Variants in LHCGR observed in about 807,000 individuals in gnomAD.
The protein encoded by LHCGR is lutropin-choriogonadotropic hormone receptor.
LHCGR carries 55 observed loss-of-function variants against 60.7 expected under a neutral mutation model. The observed-to-expected ratio is 0.91, with a 90% confidence interval of 0.73 to 1.13. LHCGR has a LOEUF of 1.13. LHCGR is among the 50% of genes most tolerant of loss of function. The probability of loss-of-function intolerance (pLI) is 0.00; values close to 1 mark genes in which losing one functional copy is unlikely to be tolerated. For missense variants in LHCGR, 862 were observed against 836.0 expected (o/e 1.03, Z -0.38); for synonymous variants, 337 against 316.5 (o/e 1.06, Z -0.69).
In LHCGR at chr2:48,729,108, G is replaced by C. The variant is rs377587970; in HGVS notation, c.308+45C>G. 65 of 1,395,714 alleles carry C rather than the reference G, an allele frequency of 4.7e-5. No individual in the cohort carries two copies. The African/African-American group carries it at 7.4e-4, about 16-fold the overall frequency. 86.5% of individuals were successfully genotyped at this position (1,395,714 alleles called of 1,614,324 possible). ...ATACCAAGTGGGCTCCAGCCAGTGA[G>C]GGTAATAGTGTACAGCAGTAAACTG... is the stretch of plus-strand genomic sequence containing the variant. On this transcript the variant is annotated intron_variant, in intron 3 of 10. Transcript: ENST00000294954.
chr2:48,691,845 C>CAAA (rs60937994), intron 10 of LHCGR, among the ~76,000 whole-genome samples: 3 of 88,366 alleles, frequency 3.4e-5, no homozygotes, highest in Non-Finnish European at 5.1e-5. Flanking sequence ...GATTCTGTCT[C>CAAA]AAAAAAAAAA....
In LHCGR at chr2:48,687,378, C is replaced by T. The variant is rs949289105; in HGVS notation, c.*319G>A. 30 of 289,118 alleles carry T rather than the reference C, an allele frequency of 1.0e-4. No homozygotes were observed. Among genetic ancestry groups the T allele is most frequent in the African/African-American group, 3.5e-4 (16 of 45,280 alleles). The allele number at this position is 289,118 out of a possible 1,614,324, so 17.9% of individuals were successfully genotyped here. On this transcript the variant is annotated 3_prime_UTR_variant, in exon 11 of 11. Transcript: ENST00000294954. ...TTTTTATAGAATGCAATACAAATTA[C>T]GAAAATGAAAAAAAAGATATGCAAA...
At position 48,688,654 on chromosome 2, in the gene LHCGR, A is replaced by T; in HGVS notation, c.1143T>A (p.Leu381=). ...TGTAACGACTTGTCAGGAGAACAAA[A>T]AGAACAGTCATGTTTCCCATGATGG... ...ILAIMGNMTV[L]FVLLTSRYKL... is the part of the protein sequence containing the mutation. The change falls in exon 11 of 11, where the codon CTT becomes CTA. Residue 381 remains leucine, a synonymous_variant. Coordinates refer to ENST00000294954, the MANE Select transcript of LHCGR (RefSeq NM_000233.4). The surrounding 1 kb of genome is among the most constrained non-coding windows in gnomAD (Gnocchi z 5.2). 6.2e-7 allele frequency: 1 copy of T among 1,614,224 alleles called. No homozygotes were observed.
In LHCGR at chr2:48,698,787, T is replaced by A; in HGVS notation, c.694A>T (p.Thr232Ser). The change falls in exon 9 of 11, where the codon ACC (threonine) becomes TCC (serine). Residue 232 changes from threonine (T) to serine (S), a missense_variant. Coordinates refer to ENST00000294954, the MANE Select transcript of LHCGR (RefSeq NM_000233.4). ...TGPKTLDISS[T>S]KLQALPSYGL... is the part of the protein sequence containing the mutation. ...TAGCTCGGCAGGGCCTGCAATTTGGTGGAAGAAATATCCCTGAACAATAAA... is the reference window on the plus strand; with the variant it reads ...TAGCTCGGCAGGGCCTGCAATTTGGAGGAAGAAATATCCCTGAACAATAAA... The A allele has an allele frequency of 6.2e-7, 1 of 1,613,640 alleles. No individual in the cohort carries two copies. The highest frequency in any genetic ancestry group is 8.5e-7 in the Non-Finnish European group (1 of 1,179,570).
intron 3 of LHCGR, among the ~76,000 whole-genome samples, chr2:48,727,724 T>A (rs893324258): frequency 3.3e-5 from 5 of 152,236 alleles, no homozygotes; most frequent in Non-Finnish European, 7.3e-5. Context: ...ATTTTGGATT[T>A]CTCTGTAATT....
chr2:48,738,960 C>A (rs906261733), intron 1 of LHCGR, among the ~76,000 whole-genome samples: 1 of 152,344 alleles, frequency 6.6e-6, no homozygotes, highest in African/African-American at 2.4e-5. Flanking sequence ...CCTCCCTAGG[C>A]AAATCAAACT....
intron 10 of LHCGR, among the ~76,000 whole-genome samples, chr2:48,693,227 G>A (rs940445491): frequency 5.9e-5 from 9 of 152,130 alleles, no homozygotes; most frequent in African/African-American, 2.2e-4. Context: ...AGGAAAAGAA[G>A]AGACAGTAAT....
At chr2:48,711,285 T>C (rs373523643) in intron 7 of LHCGR, among the ~76,000 whole-genome samples, 42 of 152,280 alleles carry the variant, frequency 2.8e-4, no homozygotes, top group African/African-American at 9.9e-4. Context: ...ATTACCCTTG[T>C]AATAATTTTA....
chr2:48,753,687 A>AG (rs1346622913), intron 1 of LHCGR, among the ~76,000 whole-genome samples: 5 of 152,198 alleles, frequency 3.3e-5, no homozygotes, highest in African/African-American at 4.8e-5. Context: ...AGCACGTGGC[A>AG]GCAGGAGCCC....
Position 48,688,191 on chromosome 2 carries a change from C to T in LHCGR, c.1606G>A (p.Val536Met). The change falls in exon 11 of 11, where the codon GTG becomes ATG. Residue 536 changes from valine (V) to methionine (M), a missense_variant. Transcript: ENST00000294954. This position sits in a 1 kb window ranked among gnomAD's most constrained non-coding sequence, Gnocchi z 5.2. ...GCACAAATTATGAAGAAGGCCACCA[C>T]ATTGAGAATCAGGATGGTTAATATA... ...VYILTILILN[V>M]VAFFIICACY... The T allele has an allele frequency of 1.9e-6, 3 of 1,614,154 alleles. No individual in the cohort carries two copies. Among genetic ancestry groups the T allele is most frequent in the Non-Finnish European group, 2.5e-6 (3 of 1,180,024 alleles).
intron 6 of LHCGR, among the ~76,000 whole-genome samples, chr2:48,715,021 A>T (rs1332657464): frequency 6.6e-6 from 1 of 151,974 alleles, no homozygotes; most frequent in Non-Finnish European, 1.5e-5. Flanking sequence ...TCCTCCACTG[A>T]TATCCTCATG....
intron 2 of LHCGR, 103 bp from the exon 3 acceptor site, chr2:48,729,330 C>G: frequency 2.0e-5 from 17 of 855,466 alleles, no homozygotes; most frequent in Non-Finnish European, 3.2e-5. Context: ...GGGGACACCA[C>G]TGTGTCCCCC....
chr2:48,723,770 A>G, intron 4 of LHCGR, 74 bp from the exon 5 acceptor site: 1 of 1,121,254 alleles, frequency 8.9e-7, no homozygotes, highest in Non-Finnish European at 1.4e-6. Context: ...ATAAAGATAA[A>G]AAGAGAGTAC....
At chr2:48,690,906 A>G (rs551505958) in intron 10 of LHCGR, among the ~76,000 whole-genome samples, 1 of 152,380 alleles carries the variant, frequency 6.6e-6, no homozygotes, top group East Asian at 1.9e-4. Context: ...GTTTTGGCTC[A>G]GAGTGTTCAT....
chr2:48,701,356 C>T (rs542417521), intron 8 of LHCGR, among the ~76,000 whole-genome samples: 4 of 152,266 alleles, frequency 2.6e-5, no homozygotes, highest in East Asian at 1.9e-4. Context: ...CTCTCTGCCA[C>T]GTCTCTGTCC....
chr2:48,747,248 C>T (rs1228523456), intron 1 of LHCGR, among the ~76,000 whole-genome samples: 1 of 152,098 alleles, frequency 6.6e-6, no homozygotes, highest in African/African-American at 2.4e-5. Flanking sequence ...ACCACCATGC[C>T]TGGCTAATTT....
At chr2:48,723,817 TA>T in intron 4 of LHCGR, 121 bp from the exon 5 acceptor site, 1 of 766,650 alleles carries the variant, frequency 1.3e-6, no homozygotes, top group Non-Finnish European at 2.3e-6. Context: ...ACATTAAATT[TA>T]AAAATATTGA....
intron 8 of LHCGR, among the ~76,000 whole-genome samples, chr2:48,703,146 A>T (rs866762388): frequency 6.6e-6 from 1 of 152,006 alleles, no homozygotes; most frequent in Non-Finnish European, 1.5e-5. Flanking sequence ...AAATTTGTTT[A>T]AGTTCTTTGT....
chr2:48,743,539 A>G (rs1057480773), intron 1 of LHCGR, among the ~76,000 whole-genome samples: 11 of 152,242 alleles, frequency 7.2e-5, no homozygotes, highest in African/African-American at 2.4e-4. Flanking sequence ...CTGGTTCAAC[A>G]CATGCAAATC....
Sources: gnomAD v4.1 joint callset for allele counts (sites outside exome capture counted in the v4.1 genomes callset) on GRCh38, gnomAD v4.1.1 for gene constraint, Gnocchi (gnomAD v3.1) non-coding constraint, MANE v1.5 for transcripts, NCBI Gene and HGNC (gene_info 2026-07-23, HGNC 2026-07-21) for gene names.